The following KCNC4 variants were observed in gnomAD, a reference collection of about 807,000 sequenced individuals.
The protein encoded by KCNC4 is potassium voltage-gated channel subfamily C member 4, also known as voltage-gated potassium channel KCNC4.
Under a neutral mutation model 42.8 loss-of-function variants are expected in KCNC4, and 23 were observed. That is an observed-to-expected ratio of 0.54 (90% CI 0.39 to 0.76). The LOEUF is 0.76. KCNC4 is among the 30% of genes least tolerant of loss of function. KCNC4 has a pLI of 0.00. For missense variants in KCNC4, 751 were observed against 898.2 expected (o/e 0.84, Z 2.10); for synonymous variants, 422 against 393.5 (o/e 1.07, Z -0.86).
At chr1:110,280,389 CTG>C (rs1470519446) in intron 1 of KCNC4, among the ~76,000 whole-genome samples, 1 of 151,622 alleles carries the variant, frequency 6.6e-6, no homozygotes, top group African/African-American at 2.4e-5. Flanking sequence ...GTTGAAGACT[CTG>C]GGGGAGGGAG....
rs12062357 is a variant in KCNC4 at position 110,233,303 on chromosome 1, G to A, written c.*331G>A. ...GCCCTTGCCCCACCCAGAGTTTCCC[G>A]TCCCCTTCACTGATTTCTGTTGTTT... On this transcript the variant is annotated 3_prime_UTR_variant, in exon 4 of 4. Transcript: ENST00000438661. The A allele has an allele frequency of 0.021, 8,360 of 401,608 alleles. 554 individuals are homozygous for A. Among genetic ancestry groups the A allele is most frequent in the African/African-American group, 0.15 (7,190 of 49,482 alleles). 24.9% of individuals were successfully genotyped at this position (401,608 alleles called of 1,614,324 possible). A position where few individuals can be genotyped will look rare whatever the true frequency, so the allele number is the denominator to read the frequency against.
At chr1:110,224,003 G>A (rs1658261632) in intron 2 of KCNC4, 103 bp downstream of exon 2, 2 of 912,016 alleles carry the variant, frequency 2.2e-6, no homozygotes, top group Non-Finnish European at 1.7e-6. Context: ...TTTGTGTGGG[G>A]CTTCCCTAAG....
intron 3 of KCNC4, among the ~76,000 whole-genome samples, chr1:110,230,541 G>A (rs1166140188): frequency 6.6e-6 from 1 of 152,172 alleles, no homozygotes; most frequent in Non-Finnish European, 1.5e-5. Context: ...GTTGTCAGGA[G>A]CCCAAGTTTC....
At chr1:110,279,039 C>A (rs1474586414) in intron 1 of KCNC4, among the ~76,000 whole-genome samples, 1 of 152,182 alleles carries the variant, frequency 6.6e-6, no homozygotes, top group South Asian at 2.1e-4. Flanking sequence ...CATCACTCCA[C>A]CCACCAGGCT....
intron 1 of KCNC4, among the ~76,000 whole-genome samples, chr1:110,258,723 A>G (rs1282504547): frequency 4.6e-5 from 7 of 152,242 alleles, no homozygotes; most frequent in Admixed American, 3.9e-4. Flanking sequence ...TTCTTAAAAC[A>G]GGATTTGAGC....
chr1:110,278,982 T>C (rs1479840997), intron 1 of KCNC4, among the ~76,000 whole-genome samples: 2 of 152,110 alleles, frequency 1.3e-5, no homozygotes, highest in African/African-American at 4.8e-5. Context: ...GGGACTTAGG[T>C]CTGCCGGCTC....
downstream of KCNC4, chr1:110,235,822 C>G (rs1391883784): frequency 6.6e-6 from 1 of 152,202 alleles, no homozygotes; most frequent in African/African-American, 2.4e-5. Flanking sequence ...CTTTTGAAGT[C>G]AGGCAGACTT....
At chr1:110,222,849 A>T in intron 1 of KCNC4, 115 bp from the exon 2 acceptor site, 1 of 718,538 alleles carries the variant, frequency 1.4e-6, no homozygotes, top group Non-Finnish European at 2.4e-6. Context: ...CGTTAATCCC[A>T]CCTCTCACTC....
chr1:110,217,174 T>C (rs615204), intron 1 of KCNC4, among the ~76,000 whole-genome samples: 60,417 of 151,878 alleles, frequency 0.4, 13,707 homozygotes, highest in Non-Finnish European at 0.51. Flanking sequence ...ATGGCAACAG[T>C]AATACAAGAC....
intron 1 of KCNC4, among the ~76,000 whole-genome samples, chr1:110,219,478 G>A (rs572956015): frequency 4.6e-5 from 7 of 152,274 alleles, no homozygotes; most frequent in Non-Finnish European, 7.4e-5. Context: ...GTCTAAACCC[G>A]GGCCCAAGGC....
downstream of KCNC4, among the ~76,000 whole-genome samples, chr1:110,249,371 A>C (rs1659212874): frequency 6.6e-6 from 1 of 152,168 alleles, no homozygotes; most frequent in African/African-American, 2.4e-5. Context: ...TGAGGGTGAA[A>C]GTTGCTTGCA....
At chr1:110,245,013 C>G (rs749657652) in exon 4 of KCNC4, 1 of 152,256 alleles carries the variant, frequency 6.6e-6, no homozygotes, top group Non-Finnish European at 1.5e-5. Context: ...TCCTTCCTCT[C>G]TCCCTTCTTT....
In KCNC4 at chr1:110,226,090, C is replaced by T; in HGVS notation, c.1731C>T (p.Ser577=). The change falls in exon 3 of 4, where the codon TCC becomes TCT. Residue 577 remains serine (S), a synonymous_variant. Coordinates refer to ENST00000438661, the MANE Select transcript of KCNC4 (RefSeq NM_001039574.3). ...AGGAGCGCCGGGCCCTGCGACGCTC[C>T]ACCACTCGAGACAGAAACAAGAAGG... The part of the protein sequence containing the change: ...TPEERRALRR[S]TTRDRNKKAA... 2 of 1,614,170 alleles carry T rather than the reference C, an allele frequency of 1.2e-6. No homozygotes were observed. Among genetic ancestry groups the T allele is most frequent in the Non-Finnish European group, 1.7e-6 (2 of 1,180,038 alleles).
exon 4 of KCNC4, chr1:110,240,890 A>G (rs1382375328): frequency 6.5e-6 from 1 of 152,728 alleles, no homozygotes; most frequent in Non-Finnish European, 1.5e-5. Context: ...AGGAGTCACA[A>G]TCAGCCCCCT....
chr1:110,283,306 TGGGG>T (rs1453988774), downstream of KCNC4, among the ~76,000 whole-genome samples: 2 of 152,102 alleles, frequency 1.3e-5, no homozygotes, highest in Non-Finnish European at 2.9e-5. Context: ...TGCATTTTGG[TGGGG>T]TCAAACTCAA....
chr1:110,217,077 C>A (rs1182880563), intron 1 of KCNC4, among the ~76,000 whole-genome samples: 1 of 152,090 alleles, frequency 6.6e-6, no homozygotes, highest in Non-Finnish European at 1.5e-5. Flanking sequence ...TCTAGAAATC[C>A]AAAGATGAGT....
chr1:110,226,206 G>C (rs1571045764), intron 3 of KCNC4, 28 bp downstream of exon 3: 3 of 1,608,230 alleles, frequency 1.9e-6, no homozygotes, highest in Middle Eastern at 1.6e-4. Flanking sequence ...GGACAGGTGG[G>C]GAGCCCCCAC....
Position 110,223,707 on chromosome 1 carries a change from C to T in KCNC4, c.1422C>T (p.Asn474=). 1 of 1,614,138 alleles carries T rather than the reference C, an allele frequency of 6.2e-7. No individual in the cohort carries two copies. The highest frequency in any genetic ancestry group is 1.1e-5 in the South Asian group (1 of 91,088). The part of the protein sequence containing the change: ...IAMPVPVIVN[N]FGMYYSLAMA... ...TGCCGGTGCCTGTCATCGTCAACAA[C>T]TTCGGCATGTACTACTCCCTGGCCA... The change falls in exon 2 of 4, where the codon AAC becomes AAT. Residue 474 remains asparagine (N), a synonymous_variant. Coordinates refer to ENST00000438661, the MANE Select transcript of KCNC4 (RefSeq NM_001039574.3). The surrounding 1 kb of genome is among the most constrained non-coding windows in gnomAD (Gnocchi z 7.5).
intron 1 of KCNC4, among the ~76,000 whole-genome samples, chr1:110,254,973 T>C (rs1222053613): frequency 6.6e-6 from 1 of 152,248 alleles, no homozygotes; most frequent in African/African-American, 2.4e-5. Flanking sequence ...GCCAACATTA[T>C]AAGTAAAATA....
Sources: allele counts gnomAD v4.1 joint callset (sites outside exome capture counted in the v4.1 genomes callset), GRCh38; gene constraint gnomAD v4.1.1; non-coding constraint Gnocchi (gnomAD v3.1); transcripts MANE v1.5; gene names NCBI Gene and HGNC (gene_info 2026-07-23, HGNC 2026-07-21).